ARVCF: variants seen among roughly 807,000 people sequenced by gnomAD.
ARVCF encodes the protein splicing regulator ARVCF.
Under a neutral mutation model 90.9 loss-of-function variants are expected in ARVCF, and 66 were observed. The observed-to-expected ratio is 0.73, with a 90% confidence interval of 0.60 to 0.89. The LOEUF is 0.89. Among genes scored for constraint, ARVCF ranks in the 40% least tolerant of loss-of-function variants. The pLI, the probability that ARVCF is intolerant of heterozygous loss-of-function variation, is 0.00. For synonymous variants in ARVCF, 653 were observed against 603.4 expected, an observed-to-expected ratio of 1.08 and a Z score of -1.21; for missense variants, 1,469 against 1,382.3, an observed-to-expected ratio of 1.06 and a Z score of -1.00.
intron 2 of ARVCF, among the ~76,000 whole-genome samples, chr22:19,999,204 A>G (rs1357863259): frequency 6.6e-6 from 1 of 151,886 alleles, no homozygotes; most frequent in African/African-American, 2.4e-5. Flanking sequence ...ACTGCTGCTG[A>G]CCAGGCACCT....
intron 2 of ARVCF, among the ~76,000 whole-genome samples, chr22:20,006,627 T>C (rs1012260763): frequency 6.7e-6 from 1 of 148,980 alleles, no homozygotes; most frequent in Non-Finnish European, 1.5e-5. Flanking sequence ...AATTGCATAA[T>C]ACCCTTTTAT....
chr22:20,005,020 A>C (rs184902879), intron 2 of ARVCF, among the ~76,000 whole-genome samples: 306 of 152,348 alleles, frequency 2.0e-3, no homozygotes, highest in Admixed American at 6.3e-3. Flanking sequence ...CACAGGCAAC[A>C]GAAGGAAAAA....
At position 19,970,058 on chromosome 22, in the gene ARVCF, C is replaced by G; in HGVS notation, c.*698G>C. ...CAGTCCCCCAGCCACTGCCGAAGGT[C>G]AGTCCCGGAGGTGCTGCCCAGGCTC... On this transcript the variant is annotated 3_prime_UTR_variant, in exon 20 of 20. Transcript: ENST00000263207. The G allele has an allele frequency of 1.0e-6, 1 of 985,610 alleles. No individual in the cohort carries two copies. Among genetic ancestry groups the G allele is most frequent in the Non-Finnish European group, 1.2e-6 (1 of 829,960 alleles). 61.1% of individuals were successfully genotyped at this position (985,610 alleles called of 1,614,324 possible).
intron 2 of ARVCF, among the ~76,000 whole-genome samples, chr22:19,997,760 C>T (rs561241814): frequency 4.5e-4 from 69 of 152,310 alleles, no homozygotes; most frequent in African/African-American, 1.6e-3. Flanking sequence ...CCACCCACTC[C>T]GCCCCCAATG....
At chr22:19,969,781 G>A, downstream of ARVCF, 1 of 949,862 alleles carries the variant, frequency 1.1e-6, no homozygotes. Flanking sequence ...GCAGGACACA[G>A]CAGATGGGCA....
intron 9 of ARVCF, 131 bp from the exon 10 acceptor site, chr22:19,976,854 CCTCATCCCATCA>C: frequency 9.2e-7 from 1 of 1,090,468 alleles, no homozygotes; most frequent in Non-Finnish European, 1.3e-6. Context: ...GCATGTGGAA[CCTCATCCCATCA>C]CTTCTGGGCA....
At chr22:20,011,944 G>A (rs529094911) in intron 1 of ARVCF, among the ~76,000 whole-genome samples, 37 of 152,100 alleles carry the variant, frequency 2.4e-4, no homozygotes, top group Non-Finnish European at 4.4e-4. Context: ...GCTGTGAGCC[G>A]TCATCTCACT....
intron 1 of ARVCF, among the ~76,000 whole-genome samples, chr22:20,015,036 G>A (rs945188736): frequency 1.3e-5 from 2 of 152,316 alleles, no homozygotes; most frequent in Middle Eastern, 3.4e-3. Context: ...CAGCCCAGAT[G>A]TGGTGGGTGG....
At chr22:19,987,154 G>C (rs1569174276) in intron 3 of ARVCF, 1 of 457,598 alleles carries the variant, frequency 2.2e-6, no homozygotes, top group Non-Finnish European at 3.9e-6. Flanking sequence ...GACCAGGCTC[G>C]GCTCCGGCGC....
intron 1 of ARVCF, among the ~76,000 whole-genome samples, chr22:20,015,195 C>G (rs1363092865): frequency 6.6e-6 from 1 of 152,218 alleles, no homozygotes; most frequent in Non-Finnish European, 1.5e-5. Context: ...GCTCAACTAC[C>G]CTCTCAGCTG....
downstream of ARVCF, among the ~76,000 whole-genome samples, chr22:19,967,884 G>A (rs947902794): frequency 1.5e-4 from 23 of 152,314 alleles, no homozygotes; most frequent in African/African-American, 4.6e-4. Context: ...GGTTTCTCCC[G>A]ATAGTGGACC....
At chr22:19,993,615 C>G (rs1944112429) in intron 2 of ARVCF, among the ~76,000 whole-genome samples, 2 of 152,166 alleles carry the variant, frequency 1.3e-5, no homozygotes, top group Admixed American at 1.3e-4. Context: ...CCCTCATGAC[C>G]CCCCACCCAA....
At chr22:19,971,192 G>T (rs759896455) in intron 19 of ARVCF, 24 bp downstream of exon 19, 2 of 1,551,352 alleles carry the variant, frequency 1.3e-6, no homozygotes, top group South Asian at 1.2e-5. Flanking sequence ...ACAGGTGGAC[G>T]AACAACCAGA....
At chr22:19,968,976 A>G (rs934782448), downstream of ARVCF, 2 of 436,430 alleles carry the variant, frequency 4.6e-6, no homozygotes, top group African/African-American at 4.0e-5. Flanking sequence ...ATATACTAAT[A>G]TCATGTTTTA....
chr22:19,981,659 C>A lies in ARVCF; in HGVS notation c.448G>T (p.Asp150Tyr). ...AAAGGGCCTAGTGGGGGGCCGCCATCCAGCAGGGGGAGTCCATCTGGGCCC... is the reference window on the plus strand; with the variant it reads ...AAAGGGCCTAGTGGGGGGCCGCCATACAGCAGGGGGAGTCCATCTGGGCCC... ...PVGPDGLPLLDGGPPLGPFAD... is the reference protein window; with the variant it reads ...PVGPDGLPLLYGGPPLGPFAD... Residue 150 changes from aspartate to tyrosine, a missense_variant, in exon 5 of 20, where the codon GAT becomes TAT. Physicochemically the swap from Asp to Tyr is radical, Grantham distance 160. Transcript: ENST00000263207. 1 of 1,609,178 alleles carries A rather than the reference C, an allele frequency of 6.2e-7. No individual in the cohort carries two copies.
chr22:19,982,851 G>C (rs531899035), intron 3 of ARVCF, among the ~76,000 whole-genome samples: 1 of 152,358 alleles, frequency 6.6e-6, no homozygotes, highest in African/African-American at 2.4e-5. Context: ...ACCAGACACA[G>C]TAGATTTGAG....
intron 12 of ARVCF, 50 bp downstream of exon 12, chr22:19,974,060 CTG>C: frequency 6.4e-7 from 1 of 1,564,506 alleles, no homozygotes; most frequent in Non-Finnish European, 8.6e-7. Flanking sequence ...AGTGAGGTGC[CTG>C]GGATTCCCTC....
At chr22:19,990,948 A>G in intron 2 of ARVCF, 136 bp from the exon 3 acceptor site, 1 of 862,890 alleles carries the variant, frequency 1.2e-6, no homozygotes, top group Non-Finnish European at 1.7e-6. Context: ...AGGGAAGCAC[A>G]CTGATTAAAT....
intron 1 of ARVCF, among the ~76,000 whole-genome samples, chr22:20,012,155 G>A (rs1026529926): frequency 7.5e-6 from 1 of 132,920 alleles, no homozygotes; most frequent in Admixed American, 8.8e-5. Flanking sequence ...CCTACCTCAT[G>A]GGGTCCAGCC....
Sources: gnomAD v4.1 joint callset for allele counts (sites outside exome capture counted in the v4.1 genomes callset) on GRCh38, gnomAD v4.1.1 for gene constraint, MANE v1.5 for transcripts, NCBI Gene and HGNC (gene_info 2026-07-23, HGNC 2026-07-21) for gene names.